Variants in KATNAL1 observed in about 807,000 individuals in gnomAD.
KATNAL1 encodes katanin catalytic subunit A1 like 1.
KATNAL1 carries 32 observed loss-of-function variants against 55.2 expected under a neutral mutation model. The ratio of observed to expected loss-of-function variants is 0.58; its 90% CI spans 0.44 to 0.78. KATNAL1 has a LOEUF of 0.78. Among genes scored for constraint, KATNAL1 ranks in the 30% least tolerant of loss-of-function variants. The pLI is 0.00. For synonymous variants in KATNAL1, 193 were observed against 193.6 expected (o/e 1.00, Z 0.02); for missense variants, 466 against 600.9 (o/e 0.78, Z 2.35).
intron 3 of KATNAL1, among the ~76,000 whole-genome samples, chr13:30,274,891 A>ACGCGCGCGCGCGCGTGCGCGCG (rs1880658382): frequency 8.2e-6 from 1 of 122,134 alleles, no homozygotes; most frequent in Admixed American, 8.5e-5. Context: ...GCACACACAT[A>ACGCGCGCGCGCGCGTGCGCGCG]CGCGCGCGCG....
Position 30,240,617 on chromosome 13 carries a change from A to G in KATNAL1, c.621-52T>C, listed in dbSNP as rs368862969. ...ATGTTTACTCAGGGATCTTTGATTT[A>G]TGGTCAAAACTAATTCTTTTAATTT... On this transcript the variant is annotated intron_variant, in intron 5 of 10. Transcript: ENST00000380615. 9 of 1,258,204 alleles carry G rather than the reference A, an allele frequency of 7.2e-6. No individual in the cohort carries two copies. The African/African-American group carries it at 1.3e-4, about 19-fold the overall frequency. 77.9% of individuals were successfully genotyped at this position (1,258,204 alleles called of 1,614,324 possible).
chr13:30,231,319 C>G lies in KATNAL1; in HGVS notation c.880G>C (p.Glu294Gln). 6.2e-7 allele frequency: 1 copy of G among 1,605,796 alleles called. No homozygotes were observed. Among genetic ancestry groups the G allele is most frequent in the Admixed American group, 1.7e-5 (1 of 59,204 alleles). ...ESEKLVRLLF[E>Q]MARFYAPTTI... is the part of the protein sequence containing the mutation. Reference sequence around the variant, plus strand: ...CTGAATATATCGTCACTCACCATCTCAAACAACAGACGAACTAACTTCTCA... The same window carrying G: ...CTGAATATATCGTCACTCACCATCTGAAACAACAGACGAACTAACTTCTCA... The change falls in exon 7 of 11, where the codon GAG (glutamate) becomes CAG (glutamine). Residue 294 changes from glutamate to glutamine, a missense_variant. By Grantham distance (29) the Glu-to-Gln change is conservative. Transcript: ENST00000380615.
intron 6 of KATNAL1, among the ~76,000 whole-genome samples, chr13:30,233,359 C>T (rs546611851): frequency 6.6e-6 from 1 of 152,068 alleles, no homozygotes; most frequent in Admixed American, 6.6e-5. Context: ...TGAAAAAATG[C>T]TCAACATCAC....
intron 9 of KATNAL1, among the ~76,000 whole-genome samples, chr13:30,220,296 A>C (rs1312090322): frequency 1.3e-5 from 2 of 152,240 alleles, no homozygotes; most frequent in East Asian, 3.9e-4. Context: ...CCCCGTCTCT[A>C]CTAAAAATAC....
intron 8 of KATNAL1, 126 bp from the exon 9 acceptor site, chr13:30,227,672 T>A (rs1593850687): frequency 1.2e-6 from 1 of 840,588 alleles, no homozygotes; most frequent in East Asian, 2.7e-5. Flanking sequence ...CTGACCTCTG[T>A]GTGGTGGCAA....
At chr13:30,249,701 TG>T (rs1234877382) in intron 4 of KATNAL1, among the ~76,000 whole-genome samples, 1 of 152,118 alleles carries the variant, frequency 6.6e-6, no homozygotes, top group African/African-American at 2.4e-5. Context: ...ATCAGAACAG[TG>T]GTTACCTTTG....
chr13:30,280,402 G>A (rs1176381339), intron 2 of KATNAL1, among the ~76,000 whole-genome samples, 179 bp from the exon 3 acceptor site: 1 of 152,046 alleles, frequency 6.6e-6, no homozygotes, highest in Non-Finnish European at 1.5e-5. Context: ...GTAGAAATTA[G>A]TTTGAAAAAA....
At chr13:30,266,448 T>C (rs974501424) in intron 3 of KATNAL1, among the ~76,000 whole-genome samples, 5 of 152,208 alleles carry the variant, frequency 3.3e-5, no homozygotes, top group Non-Finnish European at 5.9e-5. Context: ...AATTTACATA[T>C]AATTACTTTT....
chr13:30,242,797 G>C (rs893745909), intron 4 of KATNAL1, among the ~76,000 whole-genome samples: 3 of 151,768 alleles, frequency 2.0e-5, no homozygotes, highest in Non-Finnish European at 4.4e-5. Context: ...TACCGATCGA[G>C]GACTACAAAA....
At chr13:30,247,779 A>G (rs1201539969) in intron 4 of KATNAL1, among the ~76,000 whole-genome samples, 6 of 152,318 alleles carry the variant, frequency 3.9e-5, no homozygotes, top group Non-Finnish European at 1.5e-5. Context: ...GAAAGTTATG[A>G]GCAGAAGACA....
intron 4 of KATNAL1, among the ~76,000 whole-genome samples, chr13:30,251,178 T>C (rs952559581): frequency 1.3e-5 from 2 of 152,076 alleles, no homozygotes; most frequent in Non-Finnish European, 2.9e-5. Context: ...AATCAGAGTT[T>C]TATAAATTAA....
chr13:30,258,760 G>C (rs193186084), intron 3 of KATNAL1, among the ~76,000 whole-genome samples: 1 of 148,794 alleles, frequency 6.7e-6, no homozygotes, highest in East Asian at 1.9e-4. Context: ...AGAGTATCTC[G>C]ATTTTTTTTC....
rs578171355 is a variant in KATNAL1 at position 30,216,416 on chromosome 13, A to T, written c.1148-5974T>A. On this transcript the variant is annotated intron_variant, in intron 9 of 10. Transcript: ENST00000380615. ...TCACCAGCTACTGGATAAACTAAAC[A>T]TTTTAGGAACTGTTTCTGTATTGAG... Among the ~76,000 whole-genome samples, 8 of 152,240 alleles carry T rather than the reference A, an allele frequency of 5.3e-5. No homozygotes were observed. The East Asian group carries it at 1.4e-3, about 26-fold the overall frequency.
At chr13:30,256,848 C>T (rs796708670) in intron 3 of KATNAL1, among the ~76,000 whole-genome samples, 12 of 152,254 alleles carry the variant, frequency 7.9e-5, no homozygotes, top group African/African-American at 2.9e-4. Flanking sequence ...ACATCTTAAT[C>T]CTTGGAGTTC....
chr13:30,284,725 T>C, intron 1 of KATNAL1, among the ~76,000 whole-genome samples: 1 of 152,186 alleles, frequency 6.6e-6, no homozygotes, highest in Non-Finnish European at 1.5e-5. Flanking sequence ...ATAACTATTG[T>C]TATTTTCCTT....
chr13:30,280,037 TA>T, intron 3 of KATNAL1, 25 bp downstream of exon 3: 1 of 1,588,172 alleles, frequency 6.3e-7, no homozygotes, highest in Admixed American at 1.9e-5. Context: ...TAGAAGCACC[TA>T]AAGAGAATAT....
intron 9 of KATNAL1, among the ~76,000 whole-genome samples, chr13:30,211,342 C>T (rs79273385): frequency 0.047 from 7,094 of 152,220 alleles, 239 homozygotes; most frequent in African/African-American, 0.091. Context: ...TTGAATTGAG[C>T]GCTAGCTGCA....
intron 5 of KATNAL1, 22 bp downstream of exon 5, chr13:30,240,937 C>A: frequency 1.9e-6 from 3 of 1,600,510 alleles, no homozygotes; most frequent in Non-Finnish European, 2.6e-6. Context: ...TACTTTAATT[C>A]AATAATTTGA....
intron 10 of KATNAL1, among the ~76,000 whole-genome samples, chr13:30,209,641 T>C (rs1314928645): frequency 6.6e-6 from 1 of 152,258 alleles, no homozygotes; most frequent in African/African-American, 2.4e-5. Context: ...CGCTGATCAT[T>C]TTTGCTCATT....
Sources: allele counts gnomAD v4.1 joint callset (sites outside exome capture counted in the v4.1 genomes callset), GRCh38; gene constraint gnomAD v4.1.1; transcripts MANE v1.5; gene names NCBI Gene and HGNC (gene_info 2026-07-23, HGNC 2026-07-21).